The following PRLR variants were observed in gnomAD, a reference collection of about 807,000 sequenced individuals.
PRLR encodes the protein prolactin receptor.
Under a neutral mutation model 40.2 loss-of-function variants are expected in PRLR, and 13 were observed. The ratio of observed to expected loss-of-function variants is 0.32; its 90% CI spans 0.21 to 0.51. The LOEUF (loss-of-function observed/expected upper bound fraction) is 0.51. Ranked by LOEUF, PRLR falls within the 20% of genes least tolerant of loss-of-function variation. The pLI, the probability that PRLR is intolerant of heterozygous loss-of-function variation, is 0.97. For synonymous variants in PRLR, 269 were observed against 278.7 expected, an observed-to-expected ratio of 0.97 and a Z score of 0.35; for missense variants, 656 against 747.3, an observed-to-expected ratio of 0.88 and a Z score of 1.42.
chr5:35,100,126 C>T (rs249527), intron 2 of PRLR, among the ~76,000 whole-genome samples: 8,280 of 146,068 alleles, frequency 0.057, 539 homozygotes, highest in East Asian at 0.18. Flanking sequence ...TGCAGTGAGC[C>T]GAGATTTGCA....
At chr5:35,113,870 A>G (rs1164666150) in intron 2 of PRLR, among the ~76,000 whole-genome samples, 2 of 152,216 alleles carry the variant, frequency 1.3e-5, no homozygotes, top group East Asian at 3.8e-4. Flanking sequence ...AGCCCTGAGT[A>G]TAGCTGGGTC....
chr5:35,096,414 G>A (rs191847359), intron 2 of PRLR, among the ~76,000 whole-genome samples: 16 of 152,194 alleles, frequency 1.1e-4, no homozygotes, highest in Admixed American at 3.3e-4. Flanking sequence ...TGCACATGTA[G>A]GACAGATGGT....
intron 1 of PRLR, among the ~76,000 whole-genome samples, chr5:35,205,060 G>A (rs1775979439): frequency 6.6e-6 from 1 of 152,086 alleles, no homozygotes; most frequent in South Asian, 2.1e-4. Context: ...ATTTCTGTAT[G>A]TGTGTAAAAT....
chr5:35,077,909 A>C (rs569427147), intron 5 of PRLR, among the ~76,000 whole-genome samples: 1 of 152,312 alleles, frequency 6.6e-6, no homozygotes, highest in East Asian at 1.9e-4. Flanking sequence ...CTCACTCAAA[A>C]CTGCTCAACT....
intron 1 of PRLR, among the ~76,000 whole-genome samples, chr5:35,169,074 C>A (rs1255541154): frequency 1.3e-5 from 2 of 152,080 alleles, no homozygotes; most frequent in Non-Finnish European, 2.9e-5. Context: ...CCCGCAGTAG[C>A]ATTGCAGCTA....
At chr5:35,111,567 C>T (rs906831163) in intron 2 of PRLR, among the ~76,000 whole-genome samples, 1 of 152,164 alleles carries the variant, frequency 6.6e-6, no homozygotes, top group South Asian at 2.1e-4. Context: ...CCTCCTACTT[C>T]TAGAATCCAA....
chr5:35,072,023 G>C (rs1168550957), intron 6 of PRLR, among the ~76,000 whole-genome samples: 2 of 152,086 alleles, frequency 1.3e-5, no homozygotes, highest in East Asian at 1.9e-4. Context: ...AGCCTCCCGA[G>C]GAGCTGGGAT....
At chr5:35,208,173 GCGCGCACACA>G (rs1468861839) in intron 1 of PRLR, among the ~76,000 whole-genome samples, 1 of 127,104 alleles carries the variant, frequency 7.9e-6, no homozygotes, top group Non-Finnish European at 1.8e-5. Context: ...ACACCCACGC[GCGCGCACACA>G]CACACACACA....
At chr5:35,096,327 G>A (rs1387999992) in intron 2 of PRLR, among the ~76,000 whole-genome samples, 2 of 152,138 alleles carry the variant, frequency 1.3e-5, no homozygotes, top group Admixed American at 6.5e-5. Context: ...TTATCCCAAG[G>A]AGGCTTGTTT....
rs173627 is a variant in PRLR at position 35,060,399 on chromosome 5, C to T, written c.*4690G>A. On this transcript the variant is annotated 3_prime_UTR_variant, in exon 10 of 10. Transcript: ENST00000618457. ...AACAGATCTCTGTTTTTCTCTGAAG[C>T]GTTGTCACACAATCTCATGTGCTCA... The T allele has an allele frequency of 0.21, 31,405 of 152,130 alleles. 4,548 individuals carry two copies. The highest frequency in any genetic ancestry group is 0.41 in the African/African-American group (16,919 of 41,472). The allele number at this position is 152,130 out of a possible 1,614,324, so 9.4% of individuals were successfully genotyped here.
chr5:35,097,893 G>A (rs1433916403), intron 2 of PRLR, among the ~76,000 whole-genome samples: 1 of 152,148 alleles, frequency 6.6e-6, no homozygotes, highest in Non-Finnish European at 1.5e-5. Context: ...TCAAGTTTTG[G>A]AGCCTGAGCT....
intron 1 of PRLR, among the ~76,000 whole-genome samples, chr5:35,193,473 G>T (rs1316626833): frequency 6.6e-6 from 1 of 152,172 alleles, no homozygotes; most frequent in Non-Finnish European, 1.5e-5. Context: ...ACCATGCCTT[G>T]GGAGGACTTG....
chr5:35,110,050 A>C (rs937165856), intron 2 of PRLR, among the ~76,000 whole-genome samples: 2 of 152,226 alleles, frequency 1.3e-5, no homozygotes, highest in African/African-American at 4.8e-5. Context: ...AAAATGGATG[A>C]GTTCATGTCC....
chr5:35,190,466 A>G (rs78525084), intron 1 of PRLR, among the ~76,000 whole-genome samples: 15,823 of 152,122 alleles, frequency 0.1, 1,008 homozygotes, highest in Non-Finnish European at 0.13. Context: ...TTAGCTGGGC[A>G]TAGTGGCAGG....
chr5:35,179,676 A>T (rs562552266), intron 1 of PRLR, among the ~76,000 whole-genome samples: 9 of 152,172 alleles, frequency 5.9e-5, no homozygotes, highest in Non-Finnish European at 1.2e-4. Context: ...GTATTGATAT[A>T]GTTTGGATGT....
At chr5:35,115,200 A>G (rs185782963) in intron 2 of PRLR, among the ~76,000 whole-genome samples, 1 of 152,324 alleles carries the variant, frequency 6.6e-6, no homozygotes, top group Non-Finnish European at 1.5e-5. Context: ...ACAAGTAGCT[A>G]CTGTATCAGA....
Position 35,119,384 on chromosome 5 carries a change from T to TCACA in PRLR, c.-105-1263_-105-1262insTGTG, listed in dbSNP as rs567644859. ...GCCATTGACAACCTCTCTCTCTCTC[T>TCACA]CTCACACACACACACACACACACAC... On this transcript the variant is annotated intron_variant, in intron 1 of 9. Coordinates refer to ENST00000618457, the MANE Select transcript of PRLR (RefSeq NM_000949.7). Among the ~76,000 whole-genome samples, 218 of 143,286 alleles carry TCACA rather than the reference T, an allele frequency of 1.5e-3. 1 individual carries two copies. The highest frequency in any genetic ancestry group is 5.6e-3 in the African/African-American group (192 of 34,350). 94.0% of individuals were successfully genotyped at this position (143,286 alleles called of 152,430 possible). A position where few individuals can be genotyped will look rare whatever the true frequency, so the allele number is the denominator to read the frequency against.
At chr5:35,190,116 T>A (rs1395789235) in intron 1 of PRLR, among the ~76,000 whole-genome samples, 1 of 152,118 alleles carries the variant, frequency 6.6e-6, no homozygotes, top group Non-Finnish European at 1.5e-5. Flanking sequence ...AGACAACACA[T>A]TTCTGTTGTT....
intron 2 of PRLR, among the ~76,000 whole-genome samples, chr5:35,100,241 C>T (rs1771795284): frequency 6.9e-6 from 1 of 144,186 alleles, no homozygotes; most frequent in African/African-American, 2.6e-5. Flanking sequence ...AGTTAAGTTA[C>T]AGCAAGCTAA....
Sources: gnomAD v4.1 joint callset for allele counts (sites outside exome capture counted in the v4.1 genomes callset) on GRCh38, gnomAD v4.1.1 for gene constraint, MANE v1.5 for transcripts, NCBI Gene and HGNC (gene_info 2026-07-23, HGNC 2026-07-21) for gene names.